Variants in POC1A observed in about 807,000 individuals in gnomAD.
The protein encoded by POC1A is POC1 centriolar protein homolog A.
POC1A carries 34 observed loss-of-function variants against 47.8 expected under a neutral mutation model. The ratio of observed to expected loss-of-function variants is 0.71; its 90% confidence interval spans 0.54 to 0.95. The LOEUF is 0.95. POC1A is among the 40% of genes least tolerant of loss of function. The probability of loss-of-function intolerance (pLI) is 0.00; values close to 1 mark genes in which losing one functional copy is unlikely to be tolerated. For synonymous variants in POC1A, 177 were observed against 207.6 expected (o/e 0.85, Z 1.27); for missense variants, 466 against 528.3 (o/e 0.88, Z 1.16).
intron 10 of POC1A, 89 bp from the exon 11 acceptor site, chr3:52,076,074 T>G: frequency 6.4e-6 from 6 of 937,804 alleles, no homozygotes; most frequent in African/African-American, 1.6e-5. Flanking sequence ...CTTGGCTGCC[T>G]CAGCCACTGC....
At chr3:52,141,997 A>C (rs2107175305) in intron 6 of POC1A, among the ~76,000 whole-genome samples, 1 of 152,350 alleles carries the variant, frequency 6.6e-6, no homozygotes, top group Admixed American at 6.5e-5. Flanking sequence ...CCTGAAGAGT[A>C]AATGACTAGA....
intron 10 of POC1A, among the ~76,000 whole-genome samples, chr3:52,078,398 A>C (rs918184362): frequency 5.3e-5 from 8 of 152,078 alleles, no homozygotes; most frequent in African/African-American, 1.9e-4. Flanking sequence ...TACTTTCTTA[A>C]AAATTTTTAT....
chr3:52,146,797 C>T (rs1698379018), intron 5 of POC1A, among the ~76,000 whole-genome samples, 191 bp downstream of exon 5: 1 of 152,222 alleles, frequency 6.6e-6, no homozygotes, highest in African/African-American at 2.4e-5. Context: ...GGGGCCAAAG[C>T]TTCCATCCAC....
intron 9 of POC1A, among the ~76,000 whole-genome samples, chr3:52,101,108 A>G (rs1331738108): frequency 6.6e-6 from 1 of 151,686 alleles, no homozygotes; most frequent in East Asian, 1.9e-4. Flanking sequence ...AAAAAAAAAA[A>G]AATATCAAGC....
chr3:52,133,350 G>A (rs1704307869), intron 7 of POC1A, among the ~76,000 whole-genome samples: 1 of 152,180 alleles, frequency 6.6e-6, no homozygotes, highest in African/African-American at 2.4e-5. Flanking sequence ...ATAACTTTCT[G>A]TTCTTGATAA....
At chr3:52,101,820 T>TG (rs1416958158) in intron 9 of POC1A, among the ~76,000 whole-genome samples, 1 of 152,220 alleles carries the variant, frequency 6.6e-6, no homozygotes, top group Non-Finnish European at 1.5e-5. Context: ...ACAAATTTGC[T>TG]GGTAAAAAAT....
chr3:52,077,112 T>A (rs529290796), intron 10 of POC1A, among the ~76,000 whole-genome samples: 1 of 152,358 alleles, frequency 6.6e-6, no homozygotes, highest in East Asian at 1.9e-4. Flanking sequence ...CTCTTTAGGG[T>A]TGGCTGAGTG....
rs777252294 is a variant in POC1A at position 52,090,130 on chromosome 3, C to G, written c.1125+6439G>C. On this transcript the variant is annotated intron_variant, in intron 10 of 10. Transcript: ENST00000296484. The surrounding 1 kb of genome is among the most constrained non-coding windows in gnomAD (Gnocchi z 4.2). ...GCCAAAGAGACCCAAACAAGCAGGG[C>G]TGGTGGGCTTGCTCCCTGCCTGCTC... is the stretch of plus-strand genomic sequence containing the variant. Among the ~76,000 whole-genome samples, 3 of 152,204 alleles carry G rather than the reference C, an allele frequency of 2.0e-5. No individual in the cohort carries two copies. The highest frequency in any genetic ancestry group is 4.4e-5 in the Non-Finnish European group (3 of 68,034).
At chr3:52,080,068 T>A (rs1157036541) in intron 10 of POC1A, among the ~76,000 whole-genome samples, 1 of 152,170 alleles carries the variant, frequency 6.6e-6, no homozygotes, top group Non-Finnish European at 1.5e-5. Flanking sequence ...CACGGGACGC[T>A]CGTGTGTGCC....
At position 52,090,423 on chromosome 3, in the gene POC1A, A is replaced by G. The variant is rs141440374; in HGVS notation, c.1125+6146T>C. ...CGGGCCCCCTCACAGCAGCCTCCCC[A>G]GCTCCTGGGTCATTGTCCACACCCC... On this transcript the variant is annotated intron_variant, in intron 10 of 10. Coordinates refer to ENST00000296484, the MANE Select transcript of POC1A (RefSeq NM_015426.5). The surrounding 1 kb of genome is among the most constrained non-coding windows in gnomAD (Gnocchi z 4.2). Among the ~76,000 whole-genome samples, 1 of 152,282 alleles carries G rather than the reference A, an allele frequency of 6.6e-6. No homozygotes were observed. Among genetic ancestry groups the G allele is most frequent in the Non-Finnish European group, 1.5e-5 (1 of 68,008 alleles).
chr3:52,082,323 G>T, intron 10 of POC1A, among the ~76,000 whole-genome samples: 1 of 152,198 alleles, frequency 6.6e-6, no homozygotes, highest in South Asian at 2.1e-4. Flanking sequence ...AAGCTCCTTG[G>T]TGGGGATGAA....
chr3:52,116,951 G>A (rs1703585923), intron 9 of POC1A, among the ~76,000 whole-genome samples: 1 of 152,108 alleles, frequency 6.6e-6, no homozygotes, highest in South Asian at 2.1e-4. Context: ...CCTTTGGGAG[G>A]CCAACGCAGG....
intron 4 of POC1A, among the ~76,000 whole-genome samples, chr3:52,148,619 C>T (rs771837451): frequency 1.1e-4 from 17 of 152,264 alleles, no homozygotes; most frequent in Non-Finnish European, 2.4e-4. Context: ...GGAAGGCTAG[C>T]CTCCAGGCTA....
At chr3:52,127,645 G>A (rs946534873) in intron 7 of POC1A, among the ~76,000 whole-genome samples, 8 of 151,526 alleles carry the variant, frequency 5.3e-5, no homozygotes, top group Admixed American at 6.6e-5. Flanking sequence ...TGCCCGTCTC[G>A]GCCTCCCAAA....
chr3:52,082,498 C>A (rs1452142866), intron 10 of POC1A, among the ~76,000 whole-genome samples: 1 of 152,096 alleles, frequency 6.6e-6, no homozygotes, highest in East Asian at 1.9e-4. Flanking sequence ...GATTCATCCG[C>A]CTGAGCTCTC....
intron 7 of POC1A, among the ~76,000 whole-genome samples, chr3:52,136,057 G>A (rs1334752096): frequency 6.6e-6 from 1 of 152,056 alleles, no homozygotes; most frequent in East Asian, 1.9e-4. Context: ...GTGACCCTGG[G>A]CAATTTGTCT....
intron 9 of POC1A, among the ~76,000 whole-genome samples, chr3:52,105,274 G>T (rs1313648088): frequency 6.6e-6 from 1 of 152,174 alleles, no homozygotes; most frequent in African/African-American, 2.4e-5. Context: ...GGAAGAAATG[G>T]ACACAAACAC....
At chr3:52,077,688 C>T (rs1409587091) in intron 10 of POC1A, among the ~76,000 whole-genome samples, 1 of 152,274 alleles carries the variant, frequency 6.6e-6, no homozygotes, top group Non-Finnish European at 1.5e-5. Flanking sequence ...GAAGTTTCCA[C>T]TGGCTGCTGT....
At chr3:52,083,476 C>T (rs1241477923) in intron 10 of POC1A, among the ~76,000 whole-genome samples, 2 of 152,162 alleles carry the variant, frequency 1.3e-5, no homozygotes, top group African/African-American at 4.8e-5. Flanking sequence ...TCCTTTGTCC[C>T]TCCTTTCTCC....
Sources: allele counts gnomAD v4.1 joint callset (sites outside exome capture counted in the v4.1 genomes callset), GRCh38; gene constraint gnomAD v4.1.1; non-coding constraint Gnocchi (gnomAD v3.1); transcripts MANE v1.5; gene names NCBI Gene and HGNC (gene_info 2026-07-23, HGNC 2026-07-21).